The following FARSA variants were observed in gnomAD, a reference collection of about 807,000 sequenced individuals.
FARSA encodes phenylalanyl-tRNA synthetase subunit alpha.
Under a neutral mutation model 63.2 loss-of-function variants are expected in FARSA, and 37 were observed. That is an observed-to-expected ratio of 0.59 (90% CI 0.45 to 0.77). FARSA has a LOEUF of 0.77. FARSA is among the 30% of genes least tolerant of loss of function. FARSA has a pLI of 0.00. For missense variants in FARSA, 618 were observed against 696.6 expected, an observed-to-expected ratio of 0.89 and a Z score of 1.27; for synonymous variants, 312 against 285.1, an observed-to-expected ratio of 1.09 and a Z score of -0.95.
rs1310094106 is a variant in FARSA, at chr19:12,922,715, C to T, written c.*33G>A. ...GCAAAGGAGCGCAGCAGCAGGGACT[C>T]GGGGAGGATGACCTGTCCTAGAGTG... On this transcript the variant is annotated 3_prime_UTR_variant, in exon 13 of 13. Transcript: ENST00000314606. 2.7e-5 allele frequency: 43 copies of T among 1,610,490 alleles called. No homozygotes were observed. Among genetic ancestry groups the T allele is most frequent in the Non-Finnish European group, 3.2e-5 (38 of 1,179,634 alleles).
rs200098140 is a variant in FARSA, at chr19:12,930,292, C to A, written c.434G>T (p.Gly145Val). 69 of 1,614,034 alleles carry A rather than the reference C, an allele frequency of 4.3e-5. No individual in the cohort carries two copies. Among genetic ancestry groups the A allele is most frequent in the Non-Finnish European group, 5.3e-5 (62 of 1,180,022 alleles). Residue 145 changes from glycine (G) to valine (V), a missense_variant, in exon 4 of 13, where the codon GGG (glycine) becomes GTG (valine). By Grantham distance (109) the Gly-to-Val change is moderately radical (BLOSUM62 -3). Coordinates refer to ENST00000314606, the MANE Select transcript of FARSA (RefSeq NM_004461.3). ...EVQRRLQLVRGGQAEKLGEKE... is the reference protein window; with the variant it reads ...EVQRRLQLVRVGQAEKLGEKE... ...CTCCCCCAGCTTCTCAGCCTGTCCC[C>A]CCCGGACCAGCTGGAGCCGCCGCTG...
At chr19:12,925,252 G>T (rs1277164655) in intron 7 of FARSA, 78 bp from the exon 8 acceptor site, 14 of 1,264,574 alleles carry the variant, frequency 1.1e-5, no homozygotes, top group Admixed American at 2.1e-5. Flanking sequence ...GGGTCTCACT[G>T]TTGTCCAGGC....
At chr19:12,922,952 T>A in intron 12 of FARSA, 66 bp from the exon 13 acceptor site, 1 of 1,606,168 alleles carries the variant, frequency 6.2e-7, no homozygotes, top group Non-Finnish European at 8.5e-7. Flanking sequence ...CAGATTTCCA[T>A]GGCTCCCATC....
rs889136047 is a variant in FARSA, at chr19:12,928,290, G to A, written c.841+52C>T. ...GGGATGCCCATCCTGTAAAGGCTCC[G>A]CCGTGGCCTGGTGTCTCTCATGTCT... On this transcript the variant is annotated intron_variant, in intron 7 of 12. Transcript: ENST00000314606. 43 of 1,446,164 alleles carry A rather than the reference G, an allele frequency of 3.0e-5. 1 individual carries two copies. The highest frequency in any genetic ancestry group is 1.3e-4 in the African/African-American group (9 of 71,186). 89.6% of individuals were successfully genotyped at this position (1,446,164 alleles called of 1,614,324 possible).
At chr19:12,925,668 T>A (rs1971318172) in intron 7 of FARSA, among the ~76,000 whole-genome samples, 1 of 151,836 alleles carries the variant, frequency 6.6e-6, no homozygotes, top group South Asian at 2.1e-4. Context: ...TATTTATGTA[T>A]GTACGTATGT....
At chr19:12,925,263 T>G (rs1971314224) in intron 7 of FARSA, 89 bp from the exon 8 acceptor site, 6 of 1,071,008 alleles carry the variant, frequency 5.6e-6, no homozygotes, top group Non-Finnish European at 8.3e-6. Flanking sequence ...TTGTCCAGGC[T>G]GGAGTGCGGT....
chr19:12,929,383 T>C (rs1971365487), intron 4 of FARSA, among the ~76,000 whole-genome samples: 1 of 152,128 alleles, frequency 6.6e-6, no homozygotes, highest in Non-Finnish European at 1.5e-5. Flanking sequence ...AGTTTTGTAT[T>C]TTCAGTAAAG....
chr19:12,933,529 G>A (rs1276012211), intron 1 of FARSA, 21 bp downstream of exon 1: 1 of 1,537,570 alleles, frequency 6.5e-7, no homozygotes. Flanking sequence ...AAGGCGGTCC[G>A]GCATCACGGG....
At position 12,930,530 on chromosome 19, in the gene FARSA, G is replaced by A; in HGVS notation, c.286-3C>T. 3 of 1,612,980 alleles carry A rather than the reference G, an allele frequency of 1.9e-6. No individual in the cohort carries two copies. The highest frequency in any genetic ancestry group is 2.5e-6 in the Non-Finnish European group (3 of 1,179,286). ...CCCACTTTGCCACTGGGCAGTCGCTGGAAAAGAGAGGCTGCAGTGAGTGGG... is the reference window on the plus strand; with the variant it reads ...CCCACTTTGCCACTGGGCAGTCGCTAGAAAAGAGAGGCTGCAGTGAGTGGG... On this transcript the variant is annotated splice_region_variant and splice_polypyrimidine_tract_variant and intron_variant, in intron 2 of 12. Transcript: ENST00000314606.
In FARSA at chr19:12,924,961, T is replaced by G. The variant is rs200279751; in HGVS notation, c.969A>C (p.Leu323=). 3.8e-5 allele frequency: 62 copies of G among 1,614,164 alleles called. No homozygotes were observed. The highest frequency in any genetic ancestry group is 2.0e-5 in the Non-Finnish European group (24 of 1,180,024). Residue 323 remains leucine, a synonymous_variant, in exon 9 of 13, where the codon CTA becomes CTC. Coordinates refer to ENST00000314606, the MANE Select transcript of FARSA (RefSeq NM_004461.3). The surrounding 1 kb of genome is among the most constrained non-coding windows in gnomAD (Gnocchi z 6.4). The stretch of plus-strand genomic sequence containing the variant: ...TGGCTGATGTGGTGTGGGTTCGCAG[T>G]AGGTTTTTCCGGGCCTCGTCCAGCT... ...NWKLDEARKN[L]LRTHTTSASA...
intron 1 of FARSA, among the ~76,000 whole-genome samples, chr19:12,932,466 C>T (rs1402206796): frequency 1.3e-5 from 2 of 152,186 alleles, no homozygotes; most frequent in African/African-American, 4.8e-5. Flanking sequence ...CCCCACACAA[C>T]ACAGCTGCCA....
rs374755594 is a variant in FARSA, at chr19:12,924,739, C to T, written c.1095G>A (p.Thr365=). Residue 365 remains threonine (T), a synonymous_variant, in exon 10 of 13, where the codon ACG becomes ACA. Transcript: ENST00000314606. The surrounding 1 kb of genome is among the most constrained non-coding windows in gnomAD (Gnocchi z 6.4). ...RVFRNETLDA[T]HLAEFHQIEG... is the part of the protein sequence containing the mutation. The stretch of plus-strand genomic sequence containing the variant: ...CGATCTGGTGGAACTCAGCCAGGTG[C>T]GTGGCGTCCAGGGTCTCATTCCGGA... 2.0e-5 allele frequency: 32 copies of T among 1,600,572 alleles called. No homozygotes were observed. Among genetic ancestry groups the T allele is most frequent in the Non-Finnish European group, 2.7e-5 (32 of 1,170,834 alleles).
intron 12 of FARSA, among the ~76,000 whole-genome samples, chr19:12,923,224 C>T (rs1222705254): frequency 6.6e-6 from 1 of 152,204 alleles, no homozygotes; most frequent in East Asian, 1.9e-4. Flanking sequence ...GATGCCTTCA[C>T]TGACCACGTA....
chr19:12,922,917 A>C, intron 12 of FARSA, 31 bp from the exon 13 acceptor site: 1 of 1,613,880 alleles, frequency 6.2e-7, no homozygotes. Context: ...GTTTATCATG[A>C]GGTCAGCACG....
chr19:12,923,006 C>T, intron 12 of FARSA, 120 bp from the exon 13 acceptor site: 1 of 1,357,612 alleles, frequency 7.4e-7, no homozygotes, highest in Non-Finnish European at 1.0e-6. Context: ...ACCCACAGGG[C>T]CCTGCGCCAA....
intron 1 of FARSA, 171 bp downstream of exon 1, chr19:12,933,379 G>A (rs1239454030): frequency 4.4e-6 from 3 of 688,044 alleles, no homozygotes; most frequent in African/African-American, 3.7e-5. Flanking sequence ...AGGAACATCC[G>A]TGCGTCTGGG....
At chr19:12,927,110 T>C (rs1388600500) in intron 7 of FARSA, among the ~76,000 whole-genome samples, 2 of 152,190 alleles carry the variant, frequency 1.3e-5, no homozygotes, top group Admixed American at 6.5e-5. Context: ...GACAGAAGAA[T>C]GAACACTAGG....
intron 4 of FARSA, 54 bp from the exon 5 acceptor site, chr19:12,928,901 C>T: frequency 2.0e-6 from 3 of 1,481,350 alleles, no homozygotes; most frequent in Non-Finnish European, 2.8e-6. Flanking sequence ...TAGAGGACTT[C>T]CTTGATCTCC....
Position 12,922,747 on chromosome 19 carries a change from G to C in FARSA, c.*1C>G. 1 of 1,613,556 alleles carries C rather than the reference G, an allele frequency of 6.2e-7. No homozygotes were observed. On this transcript the variant is annotated 3_prime_UTR_variant, in exon 13 of 13. Coordinates refer to ENST00000314606, the MANE Select transcript of FARSA (RefSeq NM_004461.3). Reference sequence around the variant, plus strand: ...GATGACCTGTCCTAGAGTGGCCCATGTCACGCAGCCTCCTGTGTGGGAGGG... The same window carrying C: ...GATGACCTGTCCTAGAGTGGCCCATCTCACGCAGCCTCCTGTGTGGGAGGG...
Sources: gnomAD v4.1 joint callset for allele counts (sites outside exome capture counted in the v4.1 genomes callset) on GRCh38, gnomAD v4.1.1 for gene constraint, Gnocchi (gnomAD v3.1) non-coding constraint, MANE v1.5 for transcripts, NCBI Gene and HGNC (gene_info 2026-07-23, HGNC 2026-07-21) for gene names.